ZNF804A: variants seen among roughly 807,000 people sequenced by gnomAD.
The protein encoded by ZNF804A is zinc finger protein 804A.
A neutral mutation model predicts 16.5 loss-of-function variants in ZNF804A; 2 were observed. The observed-to-expected ratio is 0.12, with a 90% confidence interval of 0.05 to 0.38. The LOEUF is 0.38. Ranked by LOEUF, ZNF804A falls within the 10% of genes least tolerant of loss-of-function variation. The pLI is 0.99. For missense variants in ZNF804A, 1,473 were observed against 1,390.7 expected (o/e 1.06, Z -0.94); for synonymous variants, 534 against 489.6 (o/e 1.09, Z -1.20).
At chr2:184,817,267 T>C (rs1694997656) in intron 1 of ZNF804A, among the ~76,000 whole-genome samples, 1 of 151,714 alleles carries the variant, frequency 6.6e-6, no homozygotes, top group African/African-American at 2.4e-5. Context: ...ACAAAGCCAC[T>C]AGGGTCTGGA....
At chr2:184,765,560 C>A (rs949783188) in intron 1 of ZNF804A, among the ~76,000 whole-genome samples, 8 of 147,760 alleles carry the variant, frequency 5.4e-5, no homozygotes, top group African/African-American at 1.8e-4. Context: ...AGCCCCCAGT[C>A]ACGTAACCCC....
At chr2:184,712,318 G>A (rs1199448997) in intron 1 of ZNF804A, among the ~76,000 whole-genome samples, 3 of 151,646 alleles carry the variant, frequency 2.0e-5, no homozygotes, top group African/African-American at 7.2e-5. Flanking sequence ...TTCCTGGGTT[G>A]CAATTTTTTT....
chr2:184,850,914 T>C (rs780881589), intron 1 of ZNF804A, among the ~76,000 whole-genome samples: 231 of 151,794 alleles, frequency 1.5e-3, no homozygotes, highest in Non-Finnish European at 1.9e-3. Flanking sequence ...ATTTGTACAT[T>C]AGCTTGGTAT....
At chr2:184,722,827 A>G (rs190345825) in intron 1 of ZNF804A, among the ~76,000 whole-genome samples, 14 of 152,130 alleles carry the variant, frequency 9.2e-5, no homozygotes, top group Admixed American at 4.6e-4. Flanking sequence ...TTTCATCAGA[A>G]TGTGAAACTC....
At chr2:184,830,763 C>G (rs1033288309) in intron 1 of ZNF804A, among the ~76,000 whole-genome samples, 1 of 152,016 alleles carries the variant, frequency 6.6e-6, no homozygotes, top group African/African-American at 2.4e-5. Flanking sequence ...CCTTCCTCCT[C>G]CTAGAGAATG....
chr2:184,626,183 A>G (rs894137777), intron 1 of ZNF804A, among the ~76,000 whole-genome samples: 3 of 152,008 alleles, frequency 2.0e-5, no homozygotes, highest in African/African-American at 7.2e-5. Context: ...TTCTTAATAT[A>G]TAATACTTCT....
At chr2:184,894,650 A>T (rs960723616) in intron 2 of ZNF804A, among the ~76,000 whole-genome samples, 3 of 152,108 alleles carry the variant, frequency 2.0e-5, no homozygotes, top group Non-Finnish European at 4.4e-5. Flanking sequence ...AAGCGAATAT[A>T]CTTATCTTTG....
chr2:184,918,586 A>G (rs1197024071), intron 2 of ZNF804A, among the ~76,000 whole-genome samples: 1 of 152,138 alleles, frequency 6.6e-6, no homozygotes, highest in Admixed American at 6.6e-5. Context: ...CTGGAGTTGA[A>G]ACTGAATTTT....
chr2:184,659,788 G>T (rs1376651142), intron 1 of ZNF804A, among the ~76,000 whole-genome samples: 1 of 152,030 alleles, frequency 6.6e-6, no homozygotes, highest in Non-Finnish European at 1.5e-5. Flanking sequence ...ATTATTTTCT[G>T]TGCAAATATG....
chr2:184,856,590 G>C (rs760646213), intron 1 of ZNF804A, among the ~76,000 whole-genome samples: 4 of 152,054 alleles, frequency 2.6e-5, no homozygotes, highest in Non-Finnish European at 5.9e-5. Context: ...TTTATCAGTT[G>C]CGTATAAATT....
intron 1 of ZNF804A, among the ~76,000 whole-genome samples, chr2:184,801,439 C>T (rs1277768274): frequency 1.3e-5 from 2 of 152,038 alleles, no homozygotes; most frequent in Non-Finnish European, 2.9e-5. Flanking sequence ...AAGTTAACAC[C>T]ATTTAAAATA....
intron 2 of ZNF804A, among the ~76,000 whole-genome samples, chr2:184,932,090 C>G (rs1471346213): frequency 6.6e-6 from 1 of 152,142 alleles, no homozygotes. Context: ...ATATCACTAT[C>G]AGAATTTTGG....
intron 1 of ZNF804A, among the ~76,000 whole-genome samples, chr2:184,675,245 G>A (rs1401476592): frequency 6.6e-6 from 1 of 151,618 alleles, no homozygotes; most frequent in Non-Finnish European, 1.5e-5. Context: ...TGAAAGCATT[G>A]AACATATATT....
At chr2:184,610,607 C>T (rs571430352) in intron 1 of ZNF804A, among the ~76,000 whole-genome samples, 9 of 151,626 alleles carry the variant, frequency 5.9e-5, no homozygotes, top group Non-Finnish European at 1.0e-4. Flanking sequence ...ATCTAGTGAC[C>T]CCCAAGAAAG....
At chr2:184,707,790 T>A (rs548874059) in intron 1 of ZNF804A, among the ~76,000 whole-genome samples, 13 of 152,270 alleles carry the variant, frequency 8.5e-5, no homozygotes, top group Admixed American at 4.6e-4. Flanking sequence ...ATGATTTATT[T>A]TCTTTTGGAT....
At chr2:184,838,772 C>T (rs1558977928) in intron 1 of ZNF804A, among the ~76,000 whole-genome samples, 1 of 151,834 alleles carries the variant, frequency 6.6e-6, no homozygotes, top group African/African-American at 2.4e-5. Context: ...TATTAAAAAC[C>T]AGAAGCATTA....
At chr2:184,859,985 T>C (rs1306902076) in intron 1 of ZNF804A, among the ~76,000 whole-genome samples, 1 of 152,164 alleles carries the variant, frequency 6.6e-6, no homozygotes, top group African/African-American at 2.4e-5. Context: ...TTTGGTTCCA[T>C]TGGGATGAAA....
chr2:184,623,766 T>A (rs374017036), intron 1 of ZNF804A, among the ~76,000 whole-genome samples: 1 of 152,112 alleles, frequency 6.6e-6, no homozygotes, highest in Non-Finnish European at 1.5e-5. Context: ...CACTCAGGTG[T>A]GCACGCACAT....
intron 1 of ZNF804A, among the ~76,000 whole-genome samples, chr2:184,816,415 T>C (rs940220885): frequency 2.0e-5 from 3 of 152,046 alleles, no homozygotes; most frequent in Admixed American, 1.3e-4. Context: ...CTTTCTCCAT[T>C]AGAGAATTTC....
Sources: allele counts gnomAD v4.1 joint callset (sites outside exome capture counted in the v4.1 genomes callset), GRCh38; gene constraint gnomAD v4.1.1; transcripts MANE v1.5; gene names NCBI Gene and HGNC (gene_info 2026-07-23, HGNC 2026-07-21).